Variants in FMN2 observed in about 807,000 individuals in gnomAD.
FMN2 encodes the protein formin 2.
Under a neutral mutation model 142.3 loss-of-function variants are expected in FMN2, and 51 were observed. That is an observed-to-expected ratio of 0.36 (90% CI 0.29 to 0.45). The LOEUF (loss-of-function observed/expected upper bound fraction) is 0.45, where lower values mean the gene tolerates loss of function less well. FMN2 is among the 20% of genes least tolerant of loss of function. FMN2 has a pLI of 1.00. For missense variants in FMN2, 1,936 were observed against 2,122.8 expected (o/e 0.91, Z 1.73); for synonymous variants, 882 against 869.8 (o/e 1.01, Z -0.25).
At chr1:240,158,625 A>C (rs1664134104) in intron 2 of FMN2, among the ~76,000 whole-genome samples, 1 of 152,132 alleles carries the variant, frequency 6.6e-6, no homozygotes, top group Admixed American at 6.5e-5. Flanking sequence ...AATTTGATCC[A>C]TCTCCCAATA....
intron 2 of FMN2, chr1:240,143,858 T>C (rs1262399407): frequency 2.5e-6 from 4 of 1,585,492 alleles, no homozygotes; most frequent in South Asian, 1.1e-5. Context: ...GGACTTTGAA[T>C]CTCCCATCAC....
At chr1:240,416,756 CT>C (rs1428626027) in intron 15 of FMN2, among the ~76,000 whole-genome samples, 5 of 94,100 alleles carry the variant, frequency 5.3e-5, no homozygotes, top group South Asian at 3.5e-4. Context: ...TTATCTCTCT[CT>C]TCTTTTTTTT....
At chr1:240,173,195 C>T (rs1664780010) in intron 2 of FMN2, among the ~76,000 whole-genome samples, 1 of 152,150 alleles carries the variant, frequency 6.6e-6, no homozygotes, top group Non-Finnish European at 1.5e-5. Flanking sequence ...CTTGGCCTCC[C>T]AAAGTGCTGG....
intron 2 of FMN2, among the ~76,000 whole-genome samples, chr1:240,159,974 T>TATACACAC (rs1202421069): frequency 1.9e-4 from 25 of 134,076 alleles, no homozygotes; most frequent in African/African-American, 6.5e-4. Flanking sequence ...TATATATATA[T>TATACACAC]ACACACACAC....
intron 16 of FMN2, among the ~76,000 whole-genome samples, chr1:240,446,854 A>C (rs1246601537): frequency 6.6e-6 from 1 of 152,148 alleles, no homozygotes; most frequent in Non-Finnish European, 1.5e-5. Context: ...CTTTGGGCAA[A>C]GGAATTTCCA....
At chr1:240,392,589 G>A (rs956297411) in intron 15 of FMN2, 27 bp downstream of exon 15, 6 of 1,581,386 alleles carry the variant, frequency 3.8e-6, no homozygotes, top group Non-Finnish European at 5.2e-6. Flanking sequence ...TTTCCTCCCA[G>A]AATAGCGTTA....
intron 1 of FMN2, among the ~76,000 whole-genome samples, chr1:240,113,008 G>A (rs747036454): frequency 1.3e-5 from 2 of 152,186 alleles, no homozygotes; most frequent in African/African-American, 2.4e-5. Flanking sequence ...ATAAATAAAC[G>A]TAAGCAAATA....
At chr1:240,387,615 G>T (rs1384384484) in intron 14 of FMN2, among the ~76,000 whole-genome samples, 1 of 152,138 alleles carries the variant, frequency 6.6e-6, no homozygotes, top group Non-Finnish European at 1.5e-5. Context: ...AAGCAATCCC[G>T]TGGTTTTATA....
chr1:240,331,805 A>C (rs1187463146), intron 11 of FMN2, among the ~76,000 whole-genome samples: 1 of 152,200 alleles, frequency 6.6e-6, no homozygotes, highest in Non-Finnish European at 1.5e-5. Context: ...CATGCTCAGA[A>C]CACTTACCTC....
chr1:240,174,684 A>G (rs1404970785), intron 2 of FMN2, among the ~76,000 whole-genome samples: 5 of 152,106 alleles, frequency 3.3e-5, no homozygotes, highest in Non-Finnish European at 7.4e-5. Flanking sequence ...TTGTTTTCTT[A>G]AGCCATCACA....
chr1:240,302,984 A>G (rs955719596), intron 8 of FMN2, among the ~76,000 whole-genome samples: 21 of 149,666 alleles, frequency 1.4e-4, no homozygotes, highest in Admixed American at 7.9e-4. Flanking sequence ...ACAATAATAT[A>G]GAAAGATAAT....
intron 15 of FMN2, among the ~76,000 whole-genome samples, chr1:240,434,990 G>A (rs1336636983): frequency 3.1e-4 from 47 of 151,894 alleles, no homozygotes; most frequent in Non-Finnish European, 1.0e-4. Context: ...TTTCACCATG[G>A]CCACATCCAA....
rs778157991 is a variant in FMN2 at position 240,207,587 on chromosome 1, T to G, written c.2775T>G (p.Pro925=). 1 of 1,525,398 alleles carries G rather than the reference T, an allele frequency of 6.6e-7. No individual in the cohort carries two copies. Among genetic ancestry groups the G allele is most frequent in the Non-Finnish European group, 8.8e-7 (1 of 1,137,336 alleles). 94.5% of individuals were successfully genotyped at this position (1,525,398 alleles called of 1,614,324 possible). ...LPGAGIPPPP[P]LPGAGILPLP... ...GAGCGGGCATACCTCCTCCGCCGCCTCTACCCGGAGCAGGCATACTCCCTC... is the reference window on the plus strand; with the variant it reads ...GAGCGGGCATACCTCCTCCGCCGCCGCTACCCGGAGCAGGCATACTCCCTC... The change falls in exon 5 of 18, where the codon CCT becomes CCG. Residue 925 remains proline, a synonymous_variant. Transcript: ENST00000319653.
chr1:240,142,410 G>A (rs1558316664), intron 2 of FMN2, among the ~76,000 whole-genome samples: 1 of 152,094 alleles, frequency 6.6e-6, no homozygotes, highest in Admixed American at 6.5e-5. Flanking sequence ...TACTGAAGAT[G>A]GATGGACAAG....
intron 14 of FMN2, among the ~76,000 whole-genome samples, chr1:240,377,505 TAGC>T (rs1460326823): frequency 1.3e-5 from 2 of 152,198 alleles, no homozygotes; most frequent in African/African-American, 4.8e-5. Context: ...AAAATTATAT[TAGC>T]AGTGCTGTGT....
intron 1 of FMN2, among the ~76,000 whole-genome samples, chr1:240,121,886 G>GGGTT (rs767174787): frequency 2.6e-5 from 4 of 151,300 alleles, no homozygotes; most frequent in Non-Finnish European, 5.9e-5. Flanking sequence ...CTCTTCTTGT[G>GGGTT]GGTTGGTGCC....
At chr1:240,423,696 G>A (rs1323239742) in intron 15 of FMN2, among the ~76,000 whole-genome samples, 1 of 152,212 alleles carries the variant, frequency 6.6e-6, no homozygotes, top group Non-Finnish European at 1.5e-5. Flanking sequence ...GGTGTATTTA[G>A]ATTGGGCCAG....
chr1:240,429,931 G>A (rs184983146), intron 15 of FMN2, among the ~76,000 whole-genome samples: 3,295 of 150,788 alleles, frequency 0.022, 109 homozygotes, highest in African/African-American at 0.076. Flanking sequence ...TGCCGCCCAG[G>A]CTGGAGTGCA....
chr1:240,218,013 A>G (rs1356191306), intron 6 of FMN2, among the ~76,000 whole-genome samples: 2 of 152,148 alleles, frequency 1.3e-5, no homozygotes, highest in African/African-American at 4.8e-5. Context: ...GGCTGGGCGC[A>G]GTGGCTCACG....
Sources: gnomAD v4.1 joint callset for allele counts (sites outside exome capture counted in the v4.1 genomes callset) on GRCh38, gnomAD v4.1.1 for gene constraint, MANE v1.5 for transcripts, NCBI Gene and HGNC (gene_info 2026-07-23, HGNC 2026-07-21) for gene names.